The following PCDHA12 variants were observed in gnomAD, a reference collection of about 807,000 sequenced individuals.
PCDHA12 encodes protocadherin alpha 12.
PCDHA12 carries 44 observed loss-of-function variants against 60.0 expected under a neutral mutation model. The observed-to-expected ratio is 0.73, with a 90% CI of 0.58 to 0.94. The LOEUF (loss-of-function observed/expected upper bound fraction) is 0.94, where lower values mean the gene tolerates loss of function less well. Among genes scored for constraint, PCDHA12 ranks in the 40% least tolerant of loss-of-function variants. PCDHA12 has a pLI of 0.00. For synonymous variants in PCDHA12, 569 were observed against 553.0 expected (o/e 1.03, Z -0.40); for missense variants, 1,276 against 1,239.7 (o/e 1.03, Z -0.44).
chr5:140,961,920 G>A (rs2095643236), intron 1 of PCDHA12, among the ~76,000 whole-genome samples: 1 of 147,904 alleles, frequency 6.8e-6, no homozygotes, highest in South Asian at 2.1e-4. Context: ...GTCTCGCTCT[G>A]TTGCCCAGGC....
intron 1 of PCDHA12, among the ~76,000 whole-genome samples, chr5:140,934,797 T>G (rs1045887352): frequency 2.4e-4 from 36 of 152,236 alleles, no homozygotes; most frequent in Admixed American, 1.4e-3. Context: ...CAATTATCTT[T>G]TTAATGATCA....
At chr5:140,945,705 A>G (rs868920609) in intron 1 of PCDHA12, among the ~76,000 whole-genome samples, 5 of 152,154 alleles carry the variant, frequency 3.3e-5, no homozygotes, top group South Asian at 2.1e-4. Flanking sequence ...GATTTGCAAC[A>G]AAAGTATCAA....
rs138821024 is a variant in PCDHA12, at chr5:140,968,111, C to T, written c.2368-10838C>T. ...AGCCACAGATGGGGGAATACCGCAG[C>T]TCACATCCCTGCGTACACTGAAGGT... On this transcript the variant is annotated intron_variant, in intron 1 of 3. Transcript: ENST00000398631. 533 of 1,614,062 alleles carry T rather than the reference C, an allele frequency of 3.3e-4. 1 individual carries two copies. The highest frequency in any genetic ancestry group is 4.1e-4 in the Non-Finnish European group (489 of 1,180,052).
Position 140,875,918 on chromosome 5 carries a change from A to T in PCDHA12, c.446A>T (p.Asp149Val). The change falls in exon 1 of 4, where the codon GAC (aspartate) becomes GTC (valine). Residue 149 changes from aspartate (D) to valine (V), a missense_variant. Asp to Val is a radical substitution (Grantham distance 152, BLOSUM62 -3). Transcript: ENST00000398631. ...KVPVSESAPL[D>V]SHFPLEGASD... Reference sequence around the variant, plus strand: ...CCTGTTTCTGAATCTGCGCCTCTGGACTCTCATTTTCCTCTAGAGGGCGCT... The same window carrying T: ...CCTGTTTCTGAATCTGCGCCTCTGGTCTCTCATTTTCCTCTAGAGGGCGCT... 6.2e-7 allele frequency: 1 copy of T among 1,613,782 alleles called. No individual in the cohort carries two copies. The highest frequency in any genetic ancestry group is 8.5e-7 in the Non-Finnish European group (1 of 1,179,936).
chr5:140,890,550 C>A (rs1162286556), intron 1 of PCDHA12, among the ~76,000 whole-genome samples: 1 of 151,958 alleles, frequency 6.6e-6, no homozygotes, highest in Admixed American at 6.6e-5. Context: ...TGACTGAGTA[C>A]TTTTTATTGT....
intron 1 of PCDHA12, among the ~76,000 whole-genome samples, chr5:140,932,599 A>G (rs2088459196): frequency 6.6e-6 from 1 of 151,912 alleles, no homozygotes; most frequent in Non-Finnish European, 1.5e-5. Context: ...TTGTATATCT[A>G]TTTTGACTTT....
intron 1 of PCDHA12, chr5:140,926,929 G>A (rs1554203825): frequency 6.3e-7 from 1 of 1,575,722 alleles, no homozygotes; most frequent in South Asian, 1.2e-5. Flanking sequence ...ATGTTTGTGG[G>A]TTTCCTGCGG....
At chr5:140,883,470 A>T in intron 1 of PCDHA12, 3 of 1,614,126 alleles carry the variant, frequency 1.9e-6, no homozygotes, top group Non-Finnish European at 1.7e-6. Context: ...GTGTCCACCT[A>T]CAAGAACTAC....
chr5:140,952,832 G>A (rs560488815), intron 1 of PCDHA12, among the ~76,000 whole-genome samples: 1 of 152,226 alleles, frequency 6.6e-6, no homozygotes, highest in African/African-American at 2.4e-5. Context: ...GCATGATGCT[G>A]GCCATCTGCT....
chr5:140,933,388 GCCATCTGGTTA>G (rs1563137793), intron 1 of PCDHA12, among the ~76,000 whole-genome samples: 2 of 151,906 alleles, frequency 1.3e-5, no homozygotes, highest in Non-Finnish European at 2.9e-5. Context: ...TGTTCCTAGA[GCCATCTGGTTA>G]CCATCTACAG....
At chr5:140,893,039 C>A (rs1024548713) in intron 1 of PCDHA12, among the ~76,000 whole-genome samples, 49 of 152,306 alleles carry the variant, frequency 3.2e-4, no homozygotes, top group African/African-American at 1.1e-3. Flanking sequence ...TAACATATGC[C>A]CTCCAGGCTC....
At chr5:141,003,870 C>A (rs1345140541) in intron 3 of PCDHA12, among the ~76,000 whole-genome samples, 8 of 152,148 alleles carry the variant, frequency 5.3e-5, no homozygotes, top group Admixed American at 3.9e-4. Flanking sequence ...GTCTGAAATC[C>A]TCCTTCTAGC....
chr5:140,928,889 A>T, intron 1 of PCDHA12: 2 of 1,614,118 alleles, frequency 1.2e-6, no homozygotes, highest in Non-Finnish European at 1.7e-6. Flanking sequence ...TTACTTCCAG[A>T]CTTTGAAGAT....
intron 3 of PCDHA12, among the ~76,000 whole-genome samples, chr5:140,991,228 TGCAGTGGTAAAG>T (rs1452293099): frequency 1.1e-4 from 16 of 152,220 alleles, no homozygotes; most frequent in Non-Finnish European, 2.4e-4. Flanking sequence ...CATTAATAAA[TGCAGTGGTAAAG>T]GCAGTATTTG....
intron 1 of PCDHA12, among the ~76,000 whole-genome samples, chr5:140,894,090 C>T (rs1554185919): frequency 6.6e-6 from 1 of 152,154 alleles, no homozygotes; most frequent in African/African-American, 2.4e-5. Flanking sequence ...CCAGTATCTT[C>T]TAGCTCCTGG....
chr5:140,928,177 A>G lies in PCDHA12; in HGVS notation c.2367+50338A>G, dbSNP rs781987562. Reference sequence around the variant, plus strand: ...TGGCTCACCCCCACTTAGCACCCGAAGGACAATCACTGTGTCAGTTGCTGA... The same window carrying G: ...TGGCTCACCCCCACTTAGCACCCGAGGGACAATCACTGTGTCAGTTGCTGA... On this transcript the variant is annotated intron_variant, in intron 1 of 3. Transcript: ENST00000398631. 8.7e-6 allele frequency: 14 copies of G among 1,614,218 alleles called. No homozygotes were observed. The East Asian group carries it at 2.7e-4, about 31-fold the overall frequency.
chr5:140,978,233 AT>A (rs1360475808), intron 1 of PCDHA12, among the ~76,000 whole-genome samples: 2 of 152,196 alleles, frequency 1.3e-5, no homozygotes, highest in African/African-American at 4.8e-5. Context: ...TTTTTCTTGG[AT>A]TTCAGCTACT....
At chr5:140,921,385 A>C (rs571029849) in intron 1 of PCDHA12, among the ~76,000 whole-genome samples, 1 of 152,294 alleles carries the variant, frequency 6.6e-6, no homozygotes, top group East Asian at 1.9e-4. Flanking sequence ...CATATTTGAT[A>C]AACATTCACA....
At chr5:140,925,092 AGGAAGGAAGGAAGGAG>A (rs1190692996) in intron 1 of PCDHA12, among the ~76,000 whole-genome samples, 1 of 151,410 alleles carries the variant, frequency 6.6e-6, no homozygotes, top group Non-Finnish European at 1.5e-5. Flanking sequence ...AAAGGAAGGA[AGGAAGGAAGGAAGGAG>A]GGAAGGAAGG....
Sources: gnomAD v4.1 joint callset for allele counts (sites outside exome capture counted in the v4.1 genomes callset) on GRCh38, gnomAD v4.1.1 for gene constraint, MANE v1.5 for transcripts, NCBI Gene and HGNC (gene_info 2026-07-23, HGNC 2026-07-21) for gene names.